Variants in KHDRBS2 observed in about 807,000 individuals in gnomAD.
KHDRBS2 encodes KH RNA binding domain containing, signal transduction associated 2, also known as KH domain-containing, RNA-binding, signal transduction-associated protein 2.
In KHDRBS2, 26 loss-of-function variants were observed where a neutral mutation model predicts 44.3. The observed-to-expected ratio is 0.59, with a 90% CI of 0.43 to 0.81. KHDRBS2 has a LOEUF of 0.81. Ranked by LOEUF, KHDRBS2 falls within the 40% of genes least tolerant of loss-of-function variation. The pLI, the probability that KHDRBS2 is intolerant of heterozygous loss-of-function variation, is 0.00. For synonymous variants in KHDRBS2, 194 were observed against 151.1 expected (o/e 1.28, Z -2.08); for missense variants, 476 against 433.1 (o/e 1.10, Z -0.88).
At chr6:61,995,838 C>A (rs2127253844) in intron 3 of KHDRBS2, among the ~76,000 whole-genome samples, 1 of 152,288 alleles carries the variant, frequency 6.6e-6, no homozygotes, top group South Asian at 2.1e-4. Flanking sequence ...CTTCTCCCCA[C>A]CAATTATCTA....
chr6:61,859,719 A>G (rs1275897777), intron 6 of KHDRBS2, among the ~76,000 whole-genome samples: 2 of 152,014 alleles, frequency 1.3e-5, no homozygotes, highest in Non-Finnish European at 2.9e-5. Flanking sequence ...CAACATAAAC[A>G]TGCAAGTGTG....
chr6:61,927,827 A>C (rs376059576), intron 4 of KHDRBS2, among the ~76,000 whole-genome samples: 1 of 152,156 alleles, frequency 6.6e-6, no homozygotes, highest in East Asian at 1.9e-4. Context: ...AATTTATTTT[A>C]ATTCTTACAG....
chr6:61,855,477 TG>T (rs1326949302), intron 6 of KHDRBS2, among the ~76,000 whole-genome samples: 1 of 104,528 alleles, frequency 9.6e-6, no homozygotes, highest in Non-Finnish European at 2.1e-5. Context: ...TAATTTTAGA[TG>T]TGTGTGTATA....
chr6:61,666,800 A>G, the KHDRBS2 span, among the ~76,000 whole-genome samples: 1 of 151,538 alleles, frequency 6.6e-6, no homozygotes, highest in East Asian at 2.0e-4. Context: ...ACAAATAGGT[A>G]TTTCTGGGTC....
At position 61,777,179 on chromosome 6, in the gene KHDRBS2, C is replaced by T. The variant is rs1782197220; in HGVS notation, c.811-44415G>A. 3.3e-5 allele frequency among the ~76,000 whole-genome samples: 5 copies of T among 151,906 alleles called. No individual in the cohort carries two copies. In the South Asian group the frequency reaches 6.2e-4, roughly 19 times the overall value. Reference sequence around the variant, plus strand: ...GGGACGGGTAGCATTAGGAGATACACCTAATGCTAAATGATGAGTTAATGG... The same window carrying T: ...GGGACGGGTAGCATTAGGAGATACATCTAATGCTAAATGATGAGTTAATGG... On this transcript the variant is annotated intron_variant, in intron 6 of 8. Coordinates refer to ENST00000281156, the MANE Select transcript of KHDRBS2 (RefSeq NM_152688.4).
intron 6 of KHDRBS2, among the ~76,000 whole-genome samples, chr6:61,783,476 C>T (rs1298917443): frequency 6.6e-6 from 1 of 152,002 alleles, no homozygotes; most frequent in Non-Finnish European, 1.5e-5. Flanking sequence ...AGCAAGCACT[C>T]ATTATATATT....
chr6:61,709,947 C>T (rs1390165922), intron 7 of KHDRBS2, among the ~76,000 whole-genome samples: 2 of 151,614 alleles, frequency 1.3e-5, no homozygotes, highest in Non-Finnish European at 3.0e-5. Flanking sequence ...GTTGACTTTG[C>T]TACTGAATTC....
At chr6:61,585,984 T>G in the KHDRBS2 span, among the ~76,000 whole-genome samples, 10 of 152,250 alleles carry the variant, frequency 6.6e-5, no homozygotes, top group East Asian at 1.5e-3. Context: ...ATTGGTAGCC[T>G]TCTCCAGACT....
intron 6 of KHDRBS2, among the ~76,000 whole-genome samples, chr6:61,794,673 G>A (rs1341531507): frequency 6.6e-6 from 1 of 152,070 alleles, no homozygotes; most frequent in African/African-American, 2.4e-5. Flanking sequence ...TTGACAATTT[G>A]AAATATGGGC....
At chr6:62,229,735 T>G (rs1447502606) in intron 1 of KHDRBS2, among the ~76,000 whole-genome samples, 1 of 152,106 alleles carries the variant, frequency 6.6e-6, no homozygotes, top group Admixed American at 6.6e-5. Flanking sequence ...CTCACTTGGC[T>G]GGGGGGTAGG....
intron 6 of KHDRBS2, among the ~76,000 whole-genome samples, chr6:61,880,808 G>A (rs1800101379): frequency 6.6e-6 from 1 of 151,850 alleles, no homozygotes; most frequent in Admixed American, 6.6e-5. Flanking sequence ...GTCTTAGAAA[G>A]AAGTGACAGA....
At chr6:61,835,136 T>C (rs1792446686) in intron 6 of KHDRBS2, among the ~76,000 whole-genome samples, 1 of 152,038 alleles carries the variant, frequency 6.6e-6, no homozygotes, top group African/African-American at 2.4e-5. Context: ...GGGGGTTTAT[T>C]ATTCGAATTT....
intron 6 of KHDRBS2, among the ~76,000 whole-genome samples, chr6:61,808,808 C>CT (rs570621863): frequency 1.5e-4 from 23 of 151,394 alleles, no homozygotes; most frequent in East Asian, 3.9e-4. Context: ...TGTATCTTTA[C>CT]TTTTTTTTAA....
At chr6:61,920,183 T>C (rs1043718309) in intron 4 of KHDRBS2, among the ~76,000 whole-genome samples, 2 of 151,930 alleles carry the variant, frequency 1.3e-5, no homozygotes, top group Non-Finnish European at 2.9e-5. Context: ...GGAGAGGTTG[T>C]TTCATGCAGC....
chr6:62,167,563 T>C (rs1387926150), intron 2 of KHDRBS2, among the ~76,000 whole-genome samples: 1 of 152,054 alleles, frequency 6.6e-6, no homozygotes, highest in Non-Finnish European at 1.5e-5. Context: ...TTTTTCCTCA[T>C]AAAAATGTGA....
At chr6:62,281,231 C>A (rs1841750663) in intron 1 of KHDRBS2, among the ~76,000 whole-genome samples, 1 of 150,808 alleles carries the variant, frequency 6.6e-6, no homozygotes, top group African/African-American at 2.5e-5. Flanking sequence ...CAGCAGTAAT[C>A]TAAAGTAAGG....
intron 2 of KHDRBS2, among the ~76,000 whole-genome samples, chr6:62,145,554 A>T (rs1259531721): frequency 6.6e-6 from 1 of 151,856 alleles, no homozygotes; most frequent in African/African-American, 2.4e-5. Context: ...ATGTTAAAGT[A>T]ATTCTTTTTC....
chr6:62,258,318 C>T (rs1221039168), intron 1 of KHDRBS2, among the ~76,000 whole-genome samples: 1 of 151,888 alleles, frequency 6.6e-6, no homozygotes, highest in African/African-American at 2.4e-5. Flanking sequence ...TTGTTGTTGC[C>T]GTGGTTTAAT....
chr6:61,860,508 A>G (rs1164638563), intron 6 of KHDRBS2, among the ~76,000 whole-genome samples: 1 of 152,000 alleles, frequency 6.6e-6, no homozygotes, highest in East Asian at 1.9e-4. Context: ...TGCCAAGGAT[A>G]ATAGCCTCCA....
Sources: allele counts gnomAD v4.1 joint callset (sites outside exome capture counted in the v4.1 genomes callset), GRCh38; gene constraint gnomAD v4.1.1; transcripts MANE v1.5; gene names NCBI Gene and HGNC (gene_info 2026-07-23, HGNC 2026-07-21).